FGF12: variants seen among roughly 807,000 people sequenced by gnomAD.
FGF12 encodes fibroblast growth factor 12, also known as fibroblast growth factor 12B.
Under a neutral mutation model 23.6 loss-of-function variants are expected in FGF12, and 14 were observed. The ratio of observed to expected loss-of-function variants is 0.59; its 90% CI spans 0.39 to 0.93. The LOEUF is 0.93. FGF12 is among the 40% of genes least tolerant of loss of function. The probability of loss-of-function intolerance (pLI) is 0.00; values close to 1 mark genes in which losing one functional copy is unlikely to be tolerated. For missense variants in FGF12, 175 were observed against 217.8 expected (o/e 0.80, Z 1.24); for synonymous variants, 62 against 77.3 (o/e 0.80, Z 1.04).
In FGF12 at chr3:192,662,562, T is replaced by C. The variant is rs950960204; in HGVS notation, c.13+64619A>G. 1.1e-4 allele frequency among the ~76,000 whole-genome samples: 17 copies of C among 152,316 alleles called. No homozygotes were observed. In the South Asian group the frequency reaches 1.7e-3, roughly 15 times the overall value. ...GCTAGGAGGTCTGACTTGGATCCTC[T>C]ACAAAGAGGAGCCCTTGATAGACTC... On this transcript the variant is annotated intron_variant, in intron 2 of 5. Transcript: ENST00000445105.
intron 2 of FGF12, among the ~76,000 whole-genome samples, chr3:192,488,602 C>T (rs1723708057): frequency 6.6e-6 from 1 of 152,020 alleles, no homozygotes; most frequent in African/African-American, 2.4e-5. Flanking sequence ...ATTAATTCTA[C>T]CACCTTATCA....
At chr3:192,616,314 G>A (rs886272282) in intron 2 of FGF12, among the ~76,000 whole-genome samples, 3 of 152,004 alleles carry the variant, frequency 2.0e-5, no homozygotes, top group East Asian at 3.9e-4. Context: ...AAAGTCTTAC[G>A]ATCTACAATC....
At chr3:192,328,534 C>G (rs1716943824) in intron 4 of FGF12, among the ~76,000 whole-genome samples, 1 of 152,174 alleles carries the variant, frequency 6.6e-6, no homozygotes, top group African/African-American at 2.4e-5. Flanking sequence ...CTACTGAATC[C>G]TGCTTTAGGT....
intron 4 of FGF12, among the ~76,000 whole-genome samples, chr3:192,310,376 C>T (rs1280577712): frequency 6.6e-6 from 1 of 152,122 alleles, no homozygotes; most frequent in African/African-American, 2.4e-5. Flanking sequence ...GAAAGTATGT[C>T]TTCATGTGTC....
intron 2 of FGF12, among the ~76,000 whole-genome samples, chr3:192,668,848 T>G (rs1191301167): frequency 6.6e-6 from 1 of 151,708 alleles, no homozygotes; most frequent in Non-Finnish European, 1.5e-5. Context: ...ATCCACGAAA[T>G]AGAGAAAATA....
chr3:192,582,498 G>T (rs1201561786), intron 2 of FGF12, among the ~76,000 whole-genome samples: 2 of 152,136 alleles, frequency 1.3e-5, no homozygotes, highest in Non-Finnish European at 2.9e-5. Flanking sequence ...CAGCTACTAA[G>T]CACTGTGAGA....
intron 4 of FGF12, among the ~76,000 whole-genome samples, chr3:192,244,484 A>G (rs966805328): frequency 1.3e-5 from 2 of 152,174 alleles, no homozygotes; most frequent in Non-Finnish European, 2.9e-5. Context: ...GTAAATAGAC[A>G]TATCTACTTA....
At chr3:192,517,014 A>G (rs2108843798) in intron 2 of FGF12, 1 of 152,346 alleles carries the variant, frequency 6.6e-6, no homozygotes, top group Admixed American at 6.5e-5. Flanking sequence ...GTTTTCCGGT[A>G]GGGCTCTCCT....
At chr3:192,543,949 C>G (rs550640538) in intron 2 of FGF12, among the ~76,000 whole-genome samples, 18 of 152,264 alleles carry the variant, frequency 1.2e-4, no homozygotes, top group African/African-American at 4.1e-4. Context: ...GAAGTATCTC[C>G]CAGAGCTGCA....
At chr3:192,453,187 C>T (rs1722578158) in intron 2 of FGF12, among the ~76,000 whole-genome samples, 1 of 151,996 alleles carries the variant, frequency 6.6e-6, no homozygotes, top group African/African-American at 2.4e-5. Context: ...TTTATTCTTT[C>T]TTTTAGCTGT....
chr3:192,223,381 T>C (rs1385116051), intron 4 of FGF12, among the ~76,000 whole-genome samples: 2 of 152,196 alleles, frequency 1.3e-5, no homozygotes, highest in Non-Finnish European at 2.9e-5. Context: ...TCTTTTTATG[T>C]CTGCCACTGA....
intron 4 of FGF12, among the ~76,000 whole-genome samples, chr3:192,297,174 T>C (rs562052211): frequency 6.6e-6 from 1 of 152,252 alleles, no homozygotes; most frequent in Admixed American, 6.5e-5. Context: ...GAAAAACCTA[T>C]TTGGTTAGAA....
chr3:192,309,950 A>G (rs1715848918), intron 4 of FGF12, among the ~76,000 whole-genome samples: 1 of 152,116 alleles, frequency 6.6e-6, no homozygotes, highest in Non-Finnish European at 1.5e-5. Context: ...TCTTCTTTTT[A>G]AGAGATGGGC....
intron 4 of FGF12, among the ~76,000 whole-genome samples, chr3:192,172,531 CTTTGAG>C (rs1024432854): frequency 6.6e-6 from 1 of 150,802 alleles, no homozygotes; most frequent in Non-Finnish European, 1.5e-5. Context: ...TCTTAGAGTA[CTTTGAG>C]TTTTAAGTAA....
At chr3:192,678,134 T>C (rs1412011779) in intron 2 of FGF12, among the ~76,000 whole-genome samples, 1 of 152,218 alleles carries the variant, frequency 6.6e-6, no homozygotes, top group African/African-American at 2.4e-5. Flanking sequence ...GAGCCTTGAC[T>C]ATGTGACAGG....
intron 2 of FGF12, among the ~76,000 whole-genome samples, chr3:192,479,309 C>T (rs1452397016): frequency 6.6e-6 from 1 of 152,132 alleles, no homozygotes; most frequent in Admixed American, 6.6e-5. Context: ...AAAGACAGAG[C>T]AGTAGGATGG....
chr3:192,505,532 G>T (rs1370544136), intron 2 of FGF12, among the ~76,000 whole-genome samples: 2 of 152,110 alleles, frequency 1.3e-5, no homozygotes, highest in East Asian at 1.9e-4. Flanking sequence ...TTATATTGGG[G>T]TTATAGATTT....
intron 4 of FGF12, among the ~76,000 whole-genome samples, chr3:192,236,457 T>A (rs963548609): frequency 1.3e-5 from 2 of 152,210 alleles, no homozygotes; most frequent in Admixed American, 6.5e-5. Flanking sequence ...GTCACTCGGG[T>A]GTTGAAGTCT....
intron 2 of FGF12, among the ~76,000 whole-genome samples, chr3:192,579,894 T>TC (rs1360015908): frequency 6.6e-6 from 1 of 152,164 alleles, no homozygotes; most frequent in Non-Finnish European, 1.5e-5. Flanking sequence ...TCTAAGAGCC[T>TC]CAAGCTCAGT....
Sources: gnomAD v4.1 joint callset for allele counts (sites outside exome capture counted in the v4.1 genomes callset) on GRCh38, gnomAD v4.1.1 for gene constraint, MANE v1.5 for transcripts, NCBI Gene and HGNC (gene_info 2026-07-23, HGNC 2026-07-21) for gene names.